AOPEP: variants seen among roughly 807,000 people sequenced by gnomAD.
AOPEP encodes aminopeptidase O (putative).
In AOPEP, 77 loss-of-function variants were observed where a neutral mutation model predicts 98.1. The ratio of observed to expected loss-of-function variants is 0.78; its 90% CI spans 0.65 to 0.95. The LOEUF (loss-of-function observed/expected upper bound fraction) is 0.95, where lower values mean the gene tolerates loss of function less well. Among genes scored for constraint, AOPEP ranks in the 40% least tolerant of loss-of-function variants. The probability of loss-of-function intolerance (pLI) is 0.00; values close to 1 mark genes in which losing one functional copy is unlikely to be tolerated. For synonymous variants in AOPEP, 346 were observed against 365.3 expected (o/e 0.95, Z 0.60); for missense variants, 1,024 against 1,024.7 (o/e 1.00, Z 0.01).
the AOPEP span, among the ~76,000 whole-genome samples, chr9:95,094,647 C>T: frequency 2.6e-5 from 4 of 152,182 alleles, no homozygotes; most frequent in Non-Finnish European, 4.4e-5. Context: ...CATACTGTGG[C>T]GTGCTCAGGA....
At chr9:94,743,193 A>AGAAGAGGAAGAAGAGGAAGAAGAG (rs61707177) in intron 1 of AOPEP, among the ~76,000 whole-genome samples, 1,479 of 121,428 alleles carry the variant, frequency 0.012, 27 homozygotes, top group African/African-American at 0.027. Flanking sequence ...AAGAAGAAGA[A>AGAAGAGGAAGAAGAGGAAGAAGAG]GAAGAAGAGG....
In AOPEP at chr9:94,760,351, G is replaced by A. The variant is rs1837961747; in HGVS notation, c.568G>A (p.Glu190Lys). 2 of 1,614,052 alleles carry A rather than the reference G, an allele frequency of 1.2e-6. No individual in the cohort carries two copies. The highest frequency in any genetic ancestry group is 2.7e-5 in the African/African-American group (2 of 74,920). The change falls in exon 2 of 17, where the codon GAA becomes AAA. Residue 190 changes from glutamate (E) to lysine (K), a missense_variant. Coordinates refer to ENST00000375315, the MANE Select transcript of AOPEP (RefSeq NM_001193329.3). ...SEEFRNQIVRELVTLPANRWR... is the reference protein window; with the variant it reads ...SEEFRNQIVRKLVTLPANRWR... ...GGAGTTCAGGAATCAGATTGTACGT[G>A]AACTTGTGACTTTGCCTGCAAATCG...
chr9:94,848,227 C>G lies in AOPEP; in HGVS notation c.1364+47225C>G, dbSNP rs60019551. ...CAGCACTTTGGGAGGCCAAGGCGGG[C>G]GGGTCACAAGGTCAGGAGGTCGAGA... On this transcript the variant is annotated intron_variant, in intron 5 of 16. Coordinates refer to ENST00000375315, the MANE Select transcript of AOPEP (RefSeq NM_001193329.3). 8.5e-5 allele frequency among the ~76,000 whole-genome samples: 13 copies of G among 152,050 alleles called. No homozygotes were observed. In the South Asian group the frequency reaches 2.5e-3, roughly 29 times the overall value.
intron 3 of AOPEP, among the ~76,000 whole-genome samples, chr9:94,775,032 T>C (rs1361814764): frequency 6.6e-6 from 1 of 152,132 alleles, no homozygotes; most frequent in Non-Finnish European, 1.5e-5. Flanking sequence ...ATTGGCTCTT[T>C]AAAAAAAGAT....
intron 5 of AOPEP, among the ~76,000 whole-genome samples, chr9:94,842,182 T>G (rs2042346782): frequency 2.0e-5 from 3 of 151,998 alleles, no homozygotes; most frequent in African/African-American, 7.3e-5. Context: ...GTCAACATGG[T>G]GAAACCCTGT....
intron 10 of AOPEP, among the ~76,000 whole-genome samples, chr9:94,971,980 C>T (rs72750346): frequency 0.033 from 5,048 of 152,198 alleles, 106 homozygotes; most frequent in Admixed American, 0.064. Flanking sequence ...TGGAAAGACA[C>T]CTGCCGAGGG....
chr9:95,058,367 T>C (rs751375206), intron 13 of AOPEP, among the ~76,000 whole-genome samples: 3 of 152,220 alleles, frequency 2.0e-5, no homozygotes, highest in Non-Finnish European at 4.4e-5. Flanking sequence ...GGGGAGATGC[T>C]TTTCTTTCTA....
intron 5 of AOPEP, among the ~76,000 whole-genome samples, chr9:94,815,485 C>G (rs1851506769): frequency 6.6e-6 from 1 of 152,118 alleles, no homozygotes; most frequent in Admixed American, 6.5e-5. Context: ...TTATGATGAC[C>G]AGGCCTTTTA....
chr9:94,838,533 A>C (rs145061559), intron 5 of AOPEP, among the ~76,000 whole-genome samples: 271 of 152,240 alleles, frequency 1.8e-3, no homozygotes, highest in African/African-American at 6.0e-3. Context: ...TGATTCCTCC[A>C]ACTTTATTGT....
intron 5 of AOPEP, among the ~76,000 whole-genome samples, chr9:94,813,700 C>T (rs547292812): frequency 1.1e-4 from 16 of 152,330 alleles, no homozygotes; most frequent in African/African-American, 3.6e-4. Flanking sequence ...GCCTGGGCTT[C>T]TATAGCTCTT....
chr9:94,925,077 C>T (rs1295363488), intron 6 of AOPEP, among the ~76,000 whole-genome samples: 1 of 152,188 alleles, frequency 6.6e-6, no homozygotes, highest in African/African-American at 2.4e-5. Context: ...CTGCAACCTC[C>T]ACCTCCTGGG....
At chr9:95,108,549 T>C in the AOPEP span, among the ~76,000 whole-genome samples, 1 of 152,242 alleles carries the variant, frequency 6.6e-6, no homozygotes, top group Non-Finnish European at 1.5e-5. Context: ...AGGCCGTCCA[T>C]GCTCATGGGC....
rs1263931762 is a variant in AOPEP, at chr9:94,833,164, G to C, written c.1364+32162G>C. 2.0e-5 allele frequency among the ~76,000 whole-genome samples: 3 copies of C among 149,396 alleles called. No individual in the cohort carries two copies. The Admixed American group carries it at 2.0e-4, about 10-fold the overall frequency. On this transcript the variant is annotated intron_variant, in intron 5 of 16. Coordinates refer to ENST00000375315, the MANE Select transcript of AOPEP (RefSeq NM_001193329.3). ...TTGGCCAGGCTGGTCTTGAACTCCT[G>C]ACCTAAAGTGATCCACCCGCCTCTG...
the AOPEP span, among the ~76,000 whole-genome samples, chr9:95,143,791 CAGGA>C: frequency 1.3e-5 from 2 of 152,158 alleles, no homozygotes; most frequent in African/African-American, 4.8e-5. Flanking sequence ...GCAGCCCGCC[CAGGA>C]AGGTTTTATG....
chr9:94,966,903 C>T (rs12377417), intron 9 of AOPEP, among the ~76,000 whole-genome samples: 6 of 152,030 alleles, frequency 3.9e-5, no homozygotes, highest in Non-Finnish European at 8.8e-5. Context: ...CATTCATATT[C>T]GAATTTTTTA....
At chr9:94,994,886 G>T (rs555095001) in intron 11 of AOPEP, among the ~76,000 whole-genome samples, 38 of 152,294 alleles carry the variant, frequency 2.5e-4, no homozygotes, top group Non-Finnish European at 5.0e-4. Flanking sequence ...AGGAGGTGGA[G>T]GTTGCAATGA....
At chr9:95,123,620 A>G in the AOPEP span, 3 of 603,776 alleles carry the variant, frequency 5.0e-6, no homozygotes, top group Non-Finnish European at 9.5e-6. Flanking sequence ...GCCCAAGGAC[A>G]AGGCTATTAA....
intron 9 of AOPEP, among the ~76,000 whole-genome samples, chr9:94,961,709 C>T (rs892662763): frequency 6.6e-6 from 1 of 152,144 alleles, no homozygotes; most frequent in Admixed American, 6.5e-5. Context: ...TTTTCTGTAG[C>T]TGTTAATTTA....
chr9:95,106,828 G>C, the AOPEP span, among the ~76,000 whole-genome samples: 1 of 152,152 alleles, frequency 6.6e-6, no homozygotes, highest in Non-Finnish European at 1.5e-5. Context: ...AGCAAGCCGT[G>C]GGCCCAGGAG....
Sources: allele counts gnomAD v4.1 joint callset (sites outside exome capture counted in the v4.1 genomes callset), GRCh38; gene constraint gnomAD v4.1.1; transcripts MANE v1.5; gene names NCBI Gene and HGNC (gene_info 2026-07-23, HGNC 2026-07-21).